The following CEP63 variants were observed in gnomAD, a reference collection of about 807,000 sequenced individuals.
CEP63 encodes the protein centrosomal protein 63.
A neutral mutation model predicts 89.1 loss-of-function variants in CEP63; 84 were observed. The observed-to-expected ratio is 0.94, with a 90% CI of 0.79 to 1.13. The LOEUF is 1.13. Ranked by LOEUF, CEP63 falls within the 50% of genes most tolerant of loss-of-function variation. The pLI is 0.00. For synonymous variants in CEP63, 267 were observed against 272.5 expected, an observed-to-expected ratio of 0.98 and a Z score of 0.20; for missense variants, 838 against 813.3, an observed-to-expected ratio of 1.03 and a Z score of -0.37.
chr3:134,760,215 C>T, the CEP63 span, among the ~76,000 whole-genome samples: 1 of 151,910 alleles, frequency 6.6e-6, no homozygotes, highest in Admixed American at 6.6e-5. Flanking sequence ...CCCGCCACCA[C>T]GCCCGGCTAA....
chr3:134,698,922 G>A, the CEP63 span, among the ~76,000 whole-genome samples: 4 of 152,182 alleles, frequency 2.6e-5, no homozygotes, highest in African/African-American at 7.2e-5. Flanking sequence ...TCTTCAGCAC[G>A]TCCTGAATAG....
the CEP63 span, among the ~76,000 whole-genome samples, chr3:134,729,575 A>T: frequency 6.6e-6 from 1 of 152,190 alleles, no homozygotes; most frequent in African/African-American, 2.4e-5. Flanking sequence ...AAAGGGTAAG[A>T]TCTGGTTCAA....
chr3:134,622,243 CA>C, the CEP63 span, among the ~76,000 whole-genome samples: 1 of 152,192 alleles, frequency 6.6e-6, no homozygotes, highest in African/African-American at 2.4e-5. Flanking sequence ...GGCAGAGACT[CA>C]AACAGACATT....
At chr3:134,600,599 C>T in the CEP63 span, among the ~76,000 whole-genome samples, 1 of 152,286 alleles carries the variant, frequency 6.6e-6, no homozygotes, top group Non-Finnish European at 1.5e-5. Flanking sequence ...CACCACTCCT[C>T]CACCCTCGGT....
the CEP63 span, chr3:134,650,990 G>A: frequency 6.2e-7 from 1 of 1,612,134 alleles, no homozygotes; most frequent in Non-Finnish European, 8.5e-7. Context: ...CCTGGGCGCC[G>A]CGGCCGCACG....
the CEP63 span, among the ~76,000 whole-genome samples, chr3:134,775,748 T>A: frequency 6.6e-6 from 1 of 152,180 alleles, no homozygotes; most frequent in Non-Finnish European, 1.5e-5. Flanking sequence ...AAGTTCCTAT[T>A]TGTCCATCCG....
In CEP63 at chr3:134,563,833, C is replaced by G. The variant is rs1957554259; in HGVS notation, c.*2298C>G. 1 of 152,334 alleles carries G rather than the reference C, an allele frequency of 6.6e-6. No homozygotes were observed. Among genetic ancestry groups the G allele is most frequent in the South Asian group, 2.1e-4 (1 of 4,830 alleles). The allele number at this position is 152,334 out of a possible 1,614,324, so 9.4% of individuals were successfully genotyped here. A position where few individuals can be genotyped will look rare whatever the true frequency, so the allele number is the denominator to read the frequency against. On this transcript the variant is annotated 3_prime_UTR_variant, in exon 15 of 15. Coordinates refer to ENST00000675561, the MANE Select transcript of CEP63 (RefSeq NM_001353108.3). ...TGCATCATCCTTTACTGTGCTCCAC[C>G]CATGCTGGCGTCCTTTCTGTTTATT...
chr3:134,504,756 T>A (rs1171679113), intron 2 of CEP63, among the ~76,000 whole-genome samples: 1 of 152,198 alleles, frequency 6.6e-6, no homozygotes, highest in East Asian at 1.9e-4. Context: ...TTGATCACTT[T>A]ATGGTCTCCC....
In CEP63 at chr3:134,550,234, G is replaced by A; in HGVS notation, c.1354G>A (p.Ala452Thr). The A allele has an allele frequency of 6.2e-7, 1 of 1,614,136 alleles. No homozygotes were observed. The highest frequency in any genetic ancestry group is 8.5e-7 in the Non-Finnish European group (1 of 1,180,000). ...GCGACTCAGAGCAGAGATGCAAAAG[G>A]CAGAAGACAAAGCAGTAGAGCATAA... ...EKRLRAEMQKAEDKAVEHKEI... is the reference protein window; with the variant it reads ...EKRLRAEMQKTEDKAVEHKEI... Residue 452 changes from alanine to threonine, a missense_variant, in exon 11 of 15, where the codon GCA (alanine) becomes ACA (threonine). Coordinates refer to ENST00000675561, the MANE Select transcript of CEP63 (RefSeq NM_001353108.3).
chr3:134,605,705 T>A, the CEP63 span, among the ~76,000 whole-genome samples: 6 of 149,378 alleles, frequency 4.0e-5, no homozygotes, highest in African/African-American at 1.2e-4. Flanking sequence ...GCCGGTCAGC[T>A]CTCTGGCACT....
chr3:134,488,328 G>T (rs1936372844), intron 1 of CEP63, among the ~76,000 whole-genome samples: 1 of 152,096 alleles, frequency 6.6e-6, no homozygotes, highest in African/African-American at 2.4e-5. Context: ...CTGAAGAAGT[G>T]GTTGGCCGGG....
chr3:134,485,845 G>C, upstream of CEP63: 1 of 354,864 alleles, frequency 2.8e-6, no homozygotes, highest in Non-Finnish European at 3.9e-6. Flanking sequence ...GGTTATGAGC[G>C]TAAAGTGACA....
chr3:134,630,999 G>A, the CEP63 span, among the ~76,000 whole-genome samples: 1 of 152,194 alleles, frequency 6.6e-6, no homozygotes, highest in Non-Finnish European at 1.5e-5. Context: ...GAAAATGACA[G>A]AGAACACAGT....
the CEP63 span, among the ~76,000 whole-genome samples, chr3:134,631,986 C>A: frequency 6.6e-6 from 1 of 151,936 alleles, no homozygotes; most frequent in Admixed American, 6.6e-5. Context: ...GAAAAGATAA[C>A]AGAAAGCTGG....
downstream of CEP63, among the ~76,000 whole-genome samples, chr3:134,575,221 CCCTCCCTCCCTCCCTT>C (rs1302713276): frequency 1.9e-4 from 3 of 15,978 alleles, no homozygotes; most frequent in Admixed American, 1.0e-3. Flanking sequence ...CTCCCTCCCT[CCCTCCCTCCCTCCCTT>C]CCTTCCTTCC....
chr3:134,607,193 C>T, the CEP63 span: 5 of 985,452 alleles, frequency 5.1e-6, no homozygotes, highest in Non-Finnish European at 6.0e-6. Context: ...GTTGTAAGCA[C>T]AGGAAATGGA....
chr3:134,654,364 G>C, the CEP63 span, among the ~76,000 whole-genome samples: 5 of 152,116 alleles, frequency 3.3e-5, no homozygotes, highest in African/African-American at 7.2e-5. Flanking sequence ...TACCACTCTT[G>C]GGATTCCAAG....
chr3:134,490,784 C>T (rs990434690), intron 1 of CEP63, among the ~76,000 whole-genome samples: 11 of 151,628 alleles, frequency 7.3e-5, no homozygotes, highest in Non-Finnish European at 1.2e-4. Flanking sequence ...TACCTAAAAG[C>T]AAATCTACAT....
At chr3:134,590,949 A>G (rs1958585348), downstream of CEP63, among the ~76,000 whole-genome samples, 1 of 152,108 alleles carries the variant, frequency 6.6e-6, no homozygotes, top group Non-Finnish European at 1.5e-5. Context: ...GACACATCCC[A>G]TTACTATCCT....
Sources: gnomAD v4.1 joint callset for allele counts (sites outside exome capture counted in the v4.1 genomes callset) on GRCh38, gnomAD v4.1.1 for gene constraint, MANE v1.5 for transcripts, NCBI Gene and HGNC (gene_info 2026-07-23, HGNC 2026-07-21) for gene names.